PCM1: variants seen among roughly 807,000 people sequenced by gnomAD.
PCM1 encodes the protein pericentriolar material 1.
A neutral mutation model predicts 241.9 loss-of-function variants in PCM1; 157 were observed. The observed-to-expected ratio is 0.65, with a 90% confidence interval of 0.57 to 0.74. The LOEUF is 0.74. Ranked by LOEUF, PCM1 falls within the 30% of genes least tolerant of loss-of-function variation. The pLI is 0.00. For synonymous variants in PCM1, 1,085 were observed against 784.9 expected (o/e 1.38, Z -6.39); for missense variants, 3,478 against 2,360.1 (o/e 1.47, Z -9.81).
intron 21 of PCM1, chr8:17,969,369 G>A (rs2076109076): frequency 4.3e-6 from 2 of 464,154 alleles, no homozygotes; most frequent in Admixed American, 4.3e-5. Context: ...AGGGAGTGGG[G>A]ATTATTAATT....
intron 26 of PCM1, among the ~76,000 whole-genome samples, chr8:17,988,559 A>C (rs531179934): frequency 1.1e-4 from 16 of 152,014 alleles, no homozygotes; most frequent in African/African-American, 2.6e-4. Context: ...GACTTAACAA[A>C]AATAGGAATT....
chr8:17,957,510 A>C (rs775511604), intron 12 of PCM1, 30 bp from the exon 13 acceptor site: 4 of 1,602,874 alleles, frequency 2.5e-6, no homozygotes, highest in Admixed American at 1.7e-5. Flanking sequence ...TTTAAAAGTT[A>C]CTGGTTTTAA....
At chr8:17,935,207 G>T (rs2060083162) in intron 2 of PCM1, among the ~76,000 whole-genome samples, 1 of 152,180 alleles carries the variant, frequency 6.6e-6, no homozygotes, top group Admixed American at 6.5e-5. Context: ...TTCATCCCAA[G>T]TCCATTGTCA....
chr8:18,015,554 A>C (rs1029137248), intron 36 of PCM1: 2 of 152,114 alleles, frequency 1.3e-5, no homozygotes, highest in African/African-American at 2.4e-5. Context: ...AAACCAAGCA[A>C]ATAATTTATT....
chr8:18,001,905 T>C (rs1588222670), intron 29 of PCM1, among the ~76,000 whole-genome samples: 1 of 151,342 alleles, frequency 6.6e-6, no homozygotes, highest in Admixed American at 6.6e-5. Context: ...GATTATTCCA[T>C]GTAAAAACAG....
At chr8:17,949,948 A>C (rs1416826402) in intron 7 of PCM1, among the ~76,000 whole-genome samples, 2 of 152,196 alleles carry the variant, frequency 1.3e-5, no homozygotes, top group African/African-American at 4.8e-5. Context: ...TAAAAACCAC[A>C]GTCTTTTAGT....
At chr8:17,968,770 A>G (rs543082535) in intron 21 of PCM1, among the ~76,000 whole-genome samples, 6,351 of 130,166 alleles carry the variant, frequency 0.049, 235 homozygotes, top group African/African-American at 0.13. Flanking sequence ...GTGTATATAT[A>G]TATATATACA....
At chr8:17,955,708 G>GT (rs75667844) in intron 10 of PCM1, 55 bp downstream of exon 10, 126,456 of 889,732 alleles carry the variant, frequency 0.14, 5 homozygotes, top group East Asian at 0.21. Flanking sequence ...GATAAATTCT[G>GT]TTTTTTTTTT....
Position 18,017,672 on chromosome 8 carries a change from G to C in PCM1, c.5841+2832G>C, listed in dbSNP as rs147117037. On this transcript the variant is annotated intron_variant, in intron 36 of 38. Coordinates refer to ENST00000325083, the MANE Select transcript of PCM1 (RefSeq NM_006197.4). Reference sequence around the variant, plus strand: ...AGTTCAAGACCAGCCTGACCAGCATGAATAAACCCTGTCTCTATTAAAAAT... The same window carrying C: ...AGTTCAAGACCAGCCTGACCAGCATCAATAAACCCTGTCTCTATTAAAAAT... Among the ~76,000 whole-genome samples the C allele has an allele frequency of 4.6e-3, 708 of 152,270 alleles. 3 individuals carry two copies. Among genetic ancestry groups the C allele is most frequent in the African/African-American group, 0.016 (662 of 41,554 alleles).
chr8:18,000,199 C>T (rs983129324), intron 29 of PCM1, among the ~76,000 whole-genome samples: 22 of 152,012 alleles, frequency 1.4e-4, no homozygotes, highest in Admixed American at 1.4e-3. Context: ...GAATTAGCTT[C>T]GCGTGTTGAA....
At chr8:18,002,760 T>C (rs1033752652) in intron 29 of PCM1, among the ~76,000 whole-genome samples, 3 of 124,040 alleles carry the variant, frequency 2.4e-5, no homozygotes, top group Non-Finnish European at 4.7e-5. Context: ...TTTTAATGAT[T>C]GCCATTCTAA....
chr8:18,029,156 C>CA lies in PCM1; in HGVS notation c.*1520dup, dbSNP rs11333913. On this transcript the variant is annotated 3_prime_UTR_variant, in exon 39 of 39. Coordinates refer to ENST00000325083, the MANE Select transcript of PCM1 (RefSeq NM_006197.4). The stretch of plus-strand genomic sequence containing the variant: ...CTGGCAACAGAGCGAGACTCTGTCT[C>CA]AAAAAAAAAAAAAAAAAAAAAAAAA... 0.42 allele frequency: 23,365 copies of CA among 56,172 alleles called. 7,360 individuals carry two copies. Among genetic ancestry groups the CA allele is most frequent in the Non-Finnish European group, 0.52 (16,010 of 30,834 alleles). The allele number at this position is 56,172 out of a possible 1,614,324, so 3.5% of individuals were successfully genotyped here.
chr8:18,027,011 G>A (rs1043898323), intron 38 of PCM1, among the ~76,000 whole-genome samples: 5 of 152,134 alleles, frequency 3.3e-5, no homozygotes, highest in Non-Finnish European at 7.3e-5. Flanking sequence ...TAATAACACA[G>A]CTCTGGAGCC....
chr8:17,956,855 C>T lies in PCM1; in HGVS notation c.1646+78C>T, dbSNP rs372141629. On this transcript the variant is annotated intron_variant, in intron 11 of 38. Coordinates refer to ENST00000325083, the MANE Select transcript of PCM1 (RefSeq NM_006197.4). Reference sequence around the variant, plus strand: ...TTATAATGTGGGAACAAAAATACTTCGTTGTAGTATTTACTATTTGCCTTT... The same window carrying T: ...TTATAATGTGGGAACAAAAATACTTTGTTGTAGTATTTACTATTTGCCTTT... The T allele has an allele frequency of 2.3e-4, 263 of 1,129,266 alleles. 2 individuals are homozygous for T. The East Asian group carries it at 4.2e-3, about 18-fold the overall frequency. 70.0% of individuals were successfully genotyped at this position (1,129,266 alleles called of 1,614,324 possible).
At chr8:17,970,248 C>G (rs2076389832) in intron 22 of PCM1, among the ~76,000 whole-genome samples, 1 of 152,102 alleles carries the variant, frequency 6.6e-6, no homozygotes, top group Non-Finnish European at 1.5e-5. Context: ...GAGTTTTTGA[C>G]TCAGTGTGAA....
intron 26 of PCM1, among the ~76,000 whole-genome samples, chr8:17,986,671 A>T (rs897281821): frequency 6.6e-6 from 1 of 151,792 alleles, no homozygotes; most frequent in Non-Finnish European, 1.5e-5. Context: ...ATTGAATAAC[A>T]GTGACAGAAC....
chr8:17,984,066 A>C (rs551830657), intron 24 of PCM1, among the ~76,000 whole-genome samples: 49 of 152,220 alleles, frequency 3.2e-4, no homozygotes, highest in African/African-American at 1.1e-3. Flanking sequence ...AACTGGCATA[A>C]ACTTTCCACC....
At chr8:17,969,812 T>C in intron 22 of PCM1, 64 bp downstream of exon 22, 3 of 1,245,374 alleles carry the variant, frequency 2.4e-6, no homozygotes, top group Admixed American at 2.2e-5. Flanking sequence ...TCTAATTATG[T>C]GTAATTTGAA....
rs370540969 is a variant in PCM1, at chr8:17,993,454, G to C, written c.4691-29G>C. 165 of 1,497,230 alleles carry C rather than the reference G, an allele frequency of 1.1e-4. No individual in the cohort carries two copies. The African/African-American group carries it at 2.0e-3, about 18-fold the overall frequency. 92.7% of individuals were successfully genotyped at this position (1,497,230 alleles called of 1,614,324 possible). A position where few individuals can be genotyped will look rare whatever the true frequency, so the allele number is the denominator to read the frequency against. On this transcript the variant is annotated intron_variant, in intron 28 of 38. Coordinates refer to ENST00000325083, the MANE Select transcript of PCM1 (RefSeq NM_006197.4). Reference sequence around the variant, plus strand: ...TATGTATATATAATAGGCTTTGTTAGGCTAATGTATTTTCTTTTTAAAAAT... The same window carrying C: ...TATGTATATATAATAGGCTTTGTTACGCTAATGTATTTTCTTTTTAAAAAT...
Sources: allele counts gnomAD v4.1 joint callset (sites outside exome capture counted in the v4.1 genomes callset), GRCh38; gene constraint gnomAD v4.1.1; transcripts MANE v1.5; gene names NCBI Gene and HGNC (gene_info 2026-07-23, HGNC 2026-07-21).